SGCD: variants seen among roughly 807,000 people sequenced by gnomAD.
SGCD encodes sarcoglycan delta.
In SGCD, 18 loss-of-function variants were observed where a neutral mutation model predicts 36.6. That is an observed-to-expected ratio of 0.49 (90% CI 0.34 to 0.73). The LOEUF is 0.73. Among genes scored for constraint, SGCD ranks in the 30% least tolerant of loss-of-function variants. The pLI, the probability that SGCD is intolerant of heterozygous loss-of-function variation, is 0.01. For synonymous variants in SGCD, 133 were observed against 130.6 expected (o/e 1.02, Z -0.12); for missense variants, 387 against 346.7 (o/e 1.12, Z -0.92).
intron 1 of SGCD, among the ~76,000 whole-genome samples, chr5:156,103,575 G>A (rs1272805686): frequency 6.6e-6 from 1 of 151,902 alleles, no homozygotes; most frequent in South Asian, 2.1e-4. Flanking sequence ...CCAATAGACC[G>A]ATATCCCTTA....
At chr5:156,419,522 A>C (rs1773204032) in intron 3 of SGCD, among the ~76,000 whole-genome samples, 1 of 152,152 alleles carries the variant, frequency 6.6e-6, no homozygotes, top group Non-Finnish European at 1.5e-5. Flanking sequence ...GGGATACAGC[A>C]CTGCCACTCA....
At chr5:155,790,615 T>A in the SGCD span, among the ~76,000 whole-genome samples, 1 of 152,102 alleles carries the variant, frequency 6.6e-6, no homozygotes, top group Non-Finnish European at 1.5e-5. Flanking sequence ...CCTAAAAGCA[T>A]GAGCAATGTG....
chr5:156,154,317 C>A (rs1472114275), intron 3 of SGCD, among the ~76,000 whole-genome samples: 1 of 151,706 alleles, frequency 6.6e-6, no homozygotes, highest in Non-Finnish European at 1.5e-5. Context: ...CTTCCACTCT[C>A]TCTTAGATCT....
At chr5:156,745,139 C>A (rs1254330906) in intron 7 of SGCD, among the ~76,000 whole-genome samples, 1 of 152,060 alleles carries the variant, frequency 6.6e-6, no homozygotes, top group African/African-American at 2.4e-5. Context: ...AGAGATTTCA[C>A]AGATGAAACT....
intron 1 of SGCD, among the ~76,000 whole-genome samples, chr5:155,931,401 G>T (rs1402328521): frequency 6.6e-6 from 1 of 152,104 alleles, no homozygotes; most frequent in African/African-American, 2.4e-5. Flanking sequence ...AGAAGCACTT[G>T]TCTATGAATG....
At chr5:156,595,362 G>A (rs149609422) in intron 6 of SGCD, among the ~76,000 whole-genome samples, 105 of 152,224 alleles carry the variant, frequency 6.9e-4, no homozygotes, top group African/African-American at 2.3e-3. Flanking sequence ...GACCAGGCTC[G>A]TATCTGATCT....
intron 7 of SGCD, among the ~76,000 whole-genome samples, chr5:156,730,716 T>G (rs1756016730): frequency 6.6e-6 from 1 of 152,168 alleles, no homozygotes; most frequent in East Asian, 1.9e-4. Flanking sequence ...ATAGAATAAT[T>G]TATATTCCTG....
At chr5:156,160,127 A>G (rs1289991578) in intron 3 of SGCD, among the ~76,000 whole-genome samples, 1 of 151,672 alleles carries the variant, frequency 6.6e-6, no homozygotes, top group Admixed American at 6.6e-5. Flanking sequence ...CATATTTTTC[A>G]CAAGTGCTTT....
At chr5:156,607,583 C>T (rs1052088046) in intron 6 of SGCD, among the ~76,000 whole-genome samples, 1 of 152,182 alleles carries the variant, frequency 6.6e-6, no homozygotes, top group Admixed American at 6.6e-5. Context: ...GGAGGATTCC[C>T]TCTTTTTCTG....
intron 7 of SGCD, among the ~76,000 whole-genome samples, chr5:156,724,607 CAA>C (rs530808212): frequency 4.0e-5 from 5 of 125,812 alleles, no homozygotes; most frequent in East Asian, 2.3e-4. Context: ...ACTCCATCTC[CAA>C]AAAAAAAAAA....
intron 1 of SGCD, among the ~76,000 whole-genome samples, chr5:155,990,837 A>T (rs1758416800): frequency 6.6e-6 from 1 of 152,154 alleles, no homozygotes; most frequent in South Asian, 2.1e-4. Flanking sequence ...TAACTTGCTG[A>T]AGGTAAATTG....
At chr5:155,952,969 TGCAG>T (rs1757575126) in intron 1 of SGCD, among the ~76,000 whole-genome samples, 1 of 152,200 alleles carries the variant, frequency 6.6e-6, no homozygotes, top group South Asian at 2.1e-4. Flanking sequence ...GGTGGGGAAA[TGCAG>T]CTCGACCTTT....
At chr5:156,252,829 T>C (rs1285203636) in intron 3 of SGCD, among the ~76,000 whole-genome samples, 2 of 152,202 alleles carry the variant, frequency 1.3e-5, no homozygotes, top group East Asian at 1.9e-4. Context: ...ATTTATCCTG[T>C]GGCTTTGAGT....
the SGCD span, among the ~76,000 whole-genome samples, chr5:155,840,588 TTG>T: frequency 0.093 from 13,672 of 146,828 alleles, 790 homozygotes; most frequent in South Asian, 0.2. Flanking sequence ...TGCACCCGGC[TTG>T]TGTGTGTGTG....
At chr5:156,706,065 G>A (rs1348243319) in intron 7 of SGCD, among the ~76,000 whole-genome samples, 2 of 152,054 alleles carry the variant, frequency 1.3e-5, no homozygotes, top group African/African-American at 4.8e-5. Flanking sequence ...TCATCTCTAT[G>A]AACGATAGAG....
chr5:155,956,800 C>A (rs1047913057), intron 1 of SGCD, among the ~76,000 whole-genome samples: 11 of 131,912 alleles, frequency 8.3e-5, no homozygotes, highest in Non-Finnish European at 1.2e-4. Flanking sequence ...ACTCAGGGCC[C>A]CCCCCCCCGG....
chr5:156,646,866 G>A (rs961267996), intron 6 of SGCD, among the ~76,000 whole-genome samples: 1 of 152,164 alleles, frequency 6.6e-6, no homozygotes, highest in African/African-American at 2.4e-5. Context: ...AGAGCTAAAT[G>A]TCTAGATTGG....
At chr5:156,369,117 G>A (rs1051958535) in intron 3 of SGCD, among the ~76,000 whole-genome samples, 2 of 152,160 alleles carry the variant, frequency 1.3e-5, no homozygotes, top group African/African-American at 4.8e-5. Context: ...GAGGGTTTAA[G>A]CTTAATAGAA....
At chr5:156,665,016 A>C (rs1164041348) in intron 7 of SGCD, among the ~76,000 whole-genome samples, 5 of 150,554 alleles carry the variant, frequency 3.3e-5, no homozygotes, top group Admixed American at 6.6e-5. Flanking sequence ...GTGGTGCCAT[A>C]GGATTAAGTC....
Sources: gnomAD v4.1 joint callset for allele counts (sites outside exome capture counted in the v4.1 genomes callset) on GRCh38, gnomAD v4.1.1 for gene constraint, MANE v1.5 for transcripts, NCBI Gene and HGNC (gene_info 2026-07-23, HGNC 2026-07-21) for gene names.